The following ACO2 variants were observed in gnomAD, a reference collection of about 807,000 sequenced individuals.
The protein encoded by ACO2 is aconitate hydratase, mitochondrial.
In ACO2, 31 loss-of-function variants were observed where a neutral mutation model predicts 84.5. That is an observed-to-expected ratio of 0.37 (90% CI 0.28 to 0.50). The LOEUF (loss-of-function observed/expected upper bound fraction) is 0.50. Among genes scored for constraint, ACO2 ranks in the 20% least tolerant of loss-of-function variants. The pLI, the probability that ACO2 is intolerant of heterozygous loss-of-function variation, is 0.97. For synonymous variants in ACO2, 414 were observed against 412.7 expected (o/e 1.00, Z -0.04); for missense variants, 685 against 1,029.3 (o/e 0.67, Z 4.58).
intron 3 of ACO2, among the ~76,000 whole-genome samples, chr22:41,511,600 G>A (rs952645694): frequency 1.3e-5 from 2 of 152,240 alleles, no homozygotes; most frequent in Admixed American, 1.3e-4. Flanking sequence ...CCAGACCAGG[G>A]CAGGGACTTG....
intron 1 of ACO2, among the ~76,000 whole-genome samples, chr22:41,493,949 C>T (rs2066293060): frequency 6.6e-6 from 1 of 151,906 alleles, no homozygotes; most frequent in Non-Finnish European, 1.5e-5. Flanking sequence ...ATCCCAGCTA[C>T]TTGGGAGGTG....
At chr22:41,519,701 G>A (rs1004877547) in intron 8 of ACO2, among the ~76,000 whole-genome samples, 1 of 152,078 alleles carries the variant, frequency 6.6e-6, no homozygotes, top group Admixed American at 6.5e-5. Flanking sequence ...CCAGCTACTC[G>A]GGAGGCTGAG....
chr22:41,504,133 T>C (rs1239147445), intron 2 of ACO2, among the ~76,000 whole-genome samples: 1 of 152,144 alleles, frequency 6.6e-6, no homozygotes, highest in Non-Finnish European at 1.5e-5. Flanking sequence ...GGAGAGCCGC[T>C]TGAACCCAGG....
chr22:41,524,660 G>A lies in ACO2; in HGVS notation c.1483-186G>A, dbSNP rs1177777438. 2.0e-5 allele frequency among the ~76,000 whole-genome samples: 3 copies of A among 152,238 alleles called. No individual in the cohort carries two copies. In the East Asian group the frequency reaches 5.8e-4, roughly 29 times the overall value. ...CTGCCCTTGGCTTCCTGAGTCCTCTGCAGGCCCAAGGCCCCGTGGTCCCAA... is the reference window on the plus strand; with the variant it reads ...CTGCCCTTGGCTTCCTGAGTCCTCTACAGGCCCAAGGCCCCGTGGTCCCAA... On this transcript the variant is annotated intron_variant, in intron 12 of 17. Transcript: ENST00000216254.
At chr22:41,470,723 A>T (rs1301029116) in intron 1 of ACO2, among the ~76,000 whole-genome samples, 1 of 151,786 alleles carries the variant, frequency 6.6e-6, no homozygotes, top group South Asian at 2.1e-4. Context: ...TTGTATTTTT[A>T]GTAGAGACGG....
In ACO2 at chr22:41,469,213, G is replaced by A. The variant is rs202084268; in HGVS notation, c.36+31G>A. On this transcript the variant is annotated intron_variant, in intron 1 of 17. Transcript: ENST00000216254. ...CGAGCTCAGGGACCTCTGGGTTCAC[G>A]GGGGCGGGGTGCCTCCTACTGTGCC... The A allele has an allele frequency of 2.5e-6, 4 of 1,601,974 alleles. No homozygotes were observed. The South Asian group carries it at 4.5e-5, about 18-fold the overall frequency.
intron 14 of ACO2, 108 bp from the exon 15 acceptor site, chr22:41,526,154 C>CT (rs2066590623): frequency 2.1e-6 from 2 of 970,426 alleles, no homozygotes; most frequent in East Asian, 2.5e-5. Context: ...TCTCACCCCT[C>CT]TGTCACCCCT....
chr22:41,492,092 T>G (rs1486941669), intron 1 of ACO2, among the ~76,000 whole-genome samples: 1 of 152,240 alleles, frequency 6.6e-6, no homozygotes, highest in East Asian at 1.9e-4. Context: ...TTTCCACATC[T>G]GTGAGATGGG....
intron 9 of ACO2, chr22:41,521,563 AAAAT>A (rs1601924214): frequency 6.6e-6 from 1 of 152,304 alleles, no homozygotes; most frequent in East Asian, 1.9e-4. Context: ...AAATAAATAA[AAAAT>A]AAAGTTGTCT....
intron 2 of ACO2, among the ~76,000 whole-genome samples, chr22:41,501,911 G>A (rs2066356264): frequency 6.6e-6 from 1 of 152,172 alleles, no homozygotes; most frequent in Admixed American, 6.5e-5. Context: ...AAGGACGGCT[G>A]TGACAGGAGT....
chr22:41,518,556 A>G lies in ACO2; in HGVS notation c.1016A>G (p.Glu339Gly). The change falls in exon 8 of 18, where the codon GAA becomes GGA. Residue 339 changes from glutamate to glycine, a missense_variant. Glu to Gly is a moderately conservative substitution (Grantham distance 98). This residue lies in a region of ACO2 where 311 missense variants were observed against 441.6 expected (regional missense o/e 0.70). Coordinates refer to ENST00000216254, the MANE Select transcript of ACO2 (RefSeq NM_001098.3). ...DPGCHYDQLI[E>G]INLSELKPHI... is the part of the protein sequence containing the mutation. ...GGCTGCCATTATGACCAACTAATTG[A>G]AATTAACCTCAGTGAGGTGAGGAGA... 2 of 1,613,372 alleles carry G rather than the reference A, an allele frequency of 1.2e-6. No homozygotes were observed. Among genetic ancestry groups the G allele is most frequent in the Non-Finnish European group, 1.7e-6 (2 of 1,179,390 alleles).
At chr22:41,495,890 C>T (rs1040321015) in intron 1 of ACO2, among the ~76,000 whole-genome samples, 15 of 151,954 alleles carry the variant, frequency 9.9e-5, no homozygotes, top group Admixed American at 2.0e-4. Context: ...CGTGAGCCAC[C>T]GCGCTCAGCC....
At chr22:41,511,148 G>T (rs1032964273) in intron 3 of ACO2, among the ~76,000 whole-genome samples, 1 of 152,092 alleles carries the variant, frequency 6.6e-6, no homozygotes, top group Admixed American at 6.5e-5. Context: ...GGGACCGCAG[G>T]TGCACAGCTA....
chr22:41,483,993 C>T (rs894347625), intron 1 of ACO2, among the ~76,000 whole-genome samples: 2 of 152,040 alleles, frequency 1.3e-5, no homozygotes, highest in Non-Finnish European at 2.9e-5. Flanking sequence ...CTGACGCATT[C>T]ATAATATCGA....
intron 12 of ACO2, 105 bp downstream of exon 12, chr22:41,524,046 A>G (rs2066552568): frequency 1.0e-6 from 1 of 976,402 alleles, no homozygotes; most frequent in African/African-American, 1.6e-5. Flanking sequence ...TCCAAGTGGT[A>G]GCCAGGAGCT....
In ACO2 at chr22:41,527,361, T is replaced by TGC; in HGVS notation, c.2028_2029insCG (p.Glu677ArgfsTer24). 6.2e-7 allele frequency: 1 copy of TGC among 1,614,092 alleles called. No individual in the cohort carries two copies. The highest frequency in any genetic ancestry group is 8.5e-7 in the Non-Finnish European group (1 of 1,180,024). Reference sequence around the variant, plus strand: ...GGCTCGAGCCGGGAGCATGCAGCTCTGGAGCCTCGCCACCTTGGGGGCCGG... The same window carrying TGC: ...GGCTCGAGCCGGGAGCATGCAGCTCTGCGGAGCCTCGCCACCTTGGGGGCCGG... On this transcript the variant is annotated frameshift_variant, in exon 16 of 18. Transcript: ENST00000216254. LOFTEE classifies it high-confidence loss of function.
chr22:41,517,403 A>C, intron 6 of ACO2, 124 bp from the exon 7 acceptor site: 1 of 786,556 alleles, frequency 1.3e-6, no homozygotes, highest in Non-Finnish European at 2.1e-6. Flanking sequence ...CTGTCACCAC[A>C]TCTCTCTGAG....
rs1443337938 is a variant in ACO2 at position 41,499,766 on chromosome 22, T to A, written c.77T>A (p.Leu26Gln). Residue 26 changes from leucine (L) to glutamine (Q), a missense_variant, in exon 2 of 18, where the codon CTG becomes CAG. This residue lies in a region of ACO2 where 98 missense variants were observed against 107.6 expected (regional missense o/e 0.91). Coordinates refer to ENST00000216254, the MANE Select transcript of ACO2 (RefSeq NM_001098.3). Reference protein sequence around the residue: ...GVRQYHVASVLCQRAKVAMSH... With the variant: ...GVRQYHVASVQCQRAKVAMSH... ...CGGCAGTACCATGTGGCCTCAGTCC[T>A]GTGCCAACGGGCCAAGGTGGCGATG... 1 of 1,613,882 alleles carries A rather than the reference T, an allele frequency of 6.2e-7. No homozygotes were observed. The highest frequency in any genetic ancestry group is 1.1e-5 in the South Asian group (1 of 91,080).
chr22:41,527,552 G>T, intron 16 of ACO2, 132 bp downstream of exon 16: 1 of 1,296,440 alleles, frequency 7.7e-7, no homozygotes, highest in Non-Finnish European at 1.0e-6. Flanking sequence ...TCAGCCTCTT[G>T]CCCCTTCTTA....
Sources: gnomAD v4.1 joint callset for allele counts (sites outside exome capture counted in the v4.1 genomes callset) on GRCh38, gnomAD v4.1.1 for gene constraint, gnomAD v4.1.1 regional missense constraint, MANE v1.5 for transcripts, NCBI Gene and HGNC (gene_info 2026-07-23, HGNC 2026-07-21) for gene names.